Variants in SSBP2 observed in about 807,000 individuals in gnomAD.
The protein encoded by SSBP2 is single-stranded DNA-binding protein 2.
In SSBP2, 17 loss-of-function variants were observed where a neutral mutation model predicts 61.8. The observed-to-expected ratio is 0.28, with a 90% CI of 0.19 to 0.41. SSBP2 has a LOEUF of 0.41. SSBP2 is among the 10% of genes least tolerant of loss of function. The pLI, the probability that SSBP2 is intolerant of heterozygous loss-of-function variation, is 1.00. For synonymous variants in SSBP2, 139 were observed against 141.3 expected (o/e 0.98, Z 0.12); for missense variants, 310 against 458.7 (o/e 0.68, Z 2.96).
At chr5:81,739,249 T>C (rs1408620430) in intron 1 of SSBP2, among the ~76,000 whole-genome samples, 4 of 151,928 alleles carry the variant, frequency 2.6e-5, no homozygotes, top group African/African-American at 9.7e-5. Flanking sequence ...AAATAGTTCG[T>C]ATTTAATCTG....
At chr5:81,590,072 T>A (rs1775381149) in intron 4 of SSBP2, among the ~76,000 whole-genome samples, 1 of 152,150 alleles carries the variant, frequency 6.6e-6, no homozygotes, top group Admixed American at 6.5e-5. Context: ...TTTCTACTTC[T>A]GAAAAATGGA....
intron 4 of SSBP2, among the ~76,000 whole-genome samples, chr5:81,542,560 T>C (rs768514162): frequency 2.0e-5 from 3 of 152,010 alleles, no homozygotes; most frequent in Non-Finnish European, 2.9e-5. Flanking sequence ...TAGTATTCCA[T>C]GGTGTATACA....
chr5:81,510,066 T>C (rs529511979), intron 5 of SSBP2, among the ~76,000 whole-genome samples: 1 of 152,344 alleles, frequency 6.6e-6, no homozygotes, highest in East Asian at 1.9e-4. Context: ...AGTTCAGTTG[T>C]ATATTCTCTT....
At chr5:81,479,725 C>G (rs956386032) in intron 6 of SSBP2, among the ~76,000 whole-genome samples, 1 of 152,126 alleles carries the variant, frequency 6.6e-6, no homozygotes, top group Non-Finnish European at 1.5e-5. Flanking sequence ...AGGAATTGTG[C>G]TAAGTCCTTA....
chr5:81,441,889 G>C (rs192778022), intron 13 of SSBP2, among the ~76,000 whole-genome samples: 1 of 152,072 alleles, frequency 6.6e-6, no homozygotes, highest in Non-Finnish European at 1.5e-5. Flanking sequence ...TTTAGATATG[G>C]GTTGAAAAAC....
chr5:81,638,564 G>T (rs1254475713), intron 2 of SSBP2, among the ~76,000 whole-genome samples: 1 of 150,140 alleles, frequency 6.7e-6, no homozygotes, highest in Non-Finnish European at 1.5e-5. Flanking sequence ...GTAAGTGCCT[G>T]GTAACTGTTA....
intron 4 of SSBP2, among the ~76,000 whole-genome samples, chr5:81,600,971 T>C (rs1337091200): frequency 6.6e-6 from 1 of 152,192 alleles, no homozygotes; most frequent in Admixed American, 6.5e-5. Flanking sequence ...GGGTATACTC[T>C]TACATACGAA....
At chr5:81,512,494 T>A (rs1222170748) in intron 5 of SSBP2, among the ~76,000 whole-genome samples, 1 of 152,108 alleles carries the variant, frequency 6.6e-6, no homozygotes, top group East Asian at 1.9e-4. Context: ...TAATCAAGAG[T>A]TACAGTCTAT....
At chr5:81,619,481 G>A (rs1746344628) in intron 3 of SSBP2, among the ~76,000 whole-genome samples, 1 of 124,962 alleles carries the variant, frequency 8.0e-6, no homozygotes, top group African/African-American at 3.2e-5. Flanking sequence ...CAACCAAAAA[G>A]AGTCCAGGAC....
Position 81,565,256 on chromosome 5 carries a change from A to T in SSBP2, c.282+50217T>A, listed in dbSNP as rs184796238. Among the ~76,000 whole-genome samples, 973 of 152,276 alleles carry T rather than the reference A, an allele frequency of 6.4e-3. 12 individuals carry two copies. Among genetic ancestry groups the T allele is most frequent in the African/African-American group, 0.023 (945 of 41,556 alleles). ...AACCTCTCTTTAAAAAATCTAGACAAAGTCACTTAACCAAAAGCAAATGCC... is the reference window on the plus strand; with the variant it reads ...AACCTCTCTTTAAAAAATCTAGACATAGTCACTTAACCAAAAGCAAATGCC... On this transcript the variant is annotated intron_variant, in intron 4 of 16. Coordinates refer to ENST00000320672, the MANE Select transcript of SSBP2 (RefSeq NM_012446.5).
At chr5:81,445,940 T>A (rs1324477431) in intron 12 of SSBP2, among the ~76,000 whole-genome samples, 4 of 152,206 alleles carry the variant, frequency 2.6e-5, no homozygotes, top group African/African-American at 9.6e-5. Context: ...TGAGATTTTA[T>A]TTTTCCATGT....
chr5:81,506,161 T>C (rs1244669679), intron 5 of SSBP2, among the ~76,000 whole-genome samples: 1 of 152,208 alleles, frequency 6.6e-6, no homozygotes, highest in Admixed American at 6.5e-5. Flanking sequence ...TTAGTTGCTT[T>C]TATCTTTATA....
intron 8 of SSBP2, among the ~76,000 whole-genome samples, chr5:81,469,471 T>C (rs899430204): frequency 3.3e-5 from 5 of 151,966 alleles, no homozygotes; most frequent in Admixed American, 6.6e-5. Flanking sequence ...ACAGAATTAC[T>C]TGCCTCTTTA....
At chr5:81,656,353 T>A (rs910249537) in intron 1 of SSBP2, among the ~76,000 whole-genome samples, 1 of 152,170 alleles carries the variant, frequency 6.6e-6, no homozygotes. Flanking sequence ...CCTGGCCAGA[T>A]ATATAAAAAT....
intron 12 of SSBP2, among the ~76,000 whole-genome samples, chr5:81,446,021 A>G (rs1425165257): frequency 2.6e-5 from 4 of 152,166 alleles, no homozygotes; most frequent in Non-Finnish European, 2.9e-5. Context: ...ACATTAATTT[A>G]CTAATTCCAC....
At chr5:81,723,358 TAGTAG>T (rs1755667561) in intron 1 of SSBP2, among the ~76,000 whole-genome samples, 1 of 152,022 alleles carries the variant, frequency 6.6e-6, no homozygotes, top group African/African-American at 2.4e-5. Context: ...TTACTGTTGT[TAGTAG>T]AGTATACAAA....
intron 1 of SSBP2, among the ~76,000 whole-genome samples, chr5:81,699,503 T>C (rs1282730344): frequency 1.3e-5 from 2 of 152,260 alleles, no homozygotes; most frequent in Admixed American, 6.5e-5. Flanking sequence ...CCACTTTCTT[T>C]GCTCATCCAT....
intron 1 of SSBP2, among the ~76,000 whole-genome samples, chr5:81,702,245 C>A (rs1754039106): frequency 6.6e-6 from 1 of 152,114 alleles, no homozygotes; most frequent in Admixed American, 6.5e-5. Context: ...GTGGCGCACA[C>A]CTGTAGTCCC....
At chr5:81,582,037 A>C (rs1463653593) in intron 4 of SSBP2, among the ~76,000 whole-genome samples, 1 of 152,166 alleles carries the variant, frequency 6.6e-6, no homozygotes, top group African/African-American at 2.4e-5. Flanking sequence ...CCTTTTTAAC[A>C]AACTGAGCCT....
Sources: allele counts gnomAD v4.1 joint callset (sites outside exome capture counted in the v4.1 genomes callset), GRCh38; gene constraint gnomAD v4.1.1; transcripts MANE v1.5; gene names NCBI Gene and HGNC (gene_info 2026-07-23, HGNC 2026-07-21).